PPP1R9A: variants seen among roughly 807,000 people sequenced by gnomAD.
PPP1R9A encodes the protein protein phosphatase 1 regulatory subunit 9A.
Under a neutral mutation model 141.9 loss-of-function variants are expected in PPP1R9A, and 59 were observed. The observed-to-expected ratio is 0.42, with a 90% confidence interval of 0.34 to 0.52. The LOEUF is 0.52. PPP1R9A is among the 20% of genes least tolerant of loss of function. The pLI is 0.10. For missense variants in PPP1R9A, 1,444 were observed against 1,611.9 expected (o/e 0.90, Z 1.78); for synonymous variants, 500 against 569.7 (o/e 0.88, Z 1.74).
At chr7:95,108,264 ATTTTCT>A (rs113612674) in intron 2 of PPP1R9A, among the ~76,000 whole-genome samples, 57,853 of 111,476 alleles carry the variant, frequency 0.52, 12,688 homozygotes, top group Middle Eastern at 0.58. Context: ...GTATTACATT[ATTTTCT>A]TTTTCTTTTT....
intron 7 of PPP1R9A, among the ~76,000 whole-genome samples, chr7:95,213,882 A>G (rs1792690051): frequency 6.6e-6 from 1 of 152,196 alleles, no homozygotes; most frequent in Non-Finnish European, 1.5e-5. Flanking sequence ...CTACTTAGCC[A>G]GATCACCCTG....
chr7:94,935,378 A>C (rs556156964), intron 2 of PPP1R9A, among the ~76,000 whole-genome samples: 28 of 152,298 alleles, frequency 1.8e-4, no homozygotes, highest in Non-Finnish European at 3.2e-4. Flanking sequence ...GTTTTAGTAG[A>C]TATTAGGGAG....
intron 5 of PPP1R9A, among the ~76,000 whole-genome samples, chr7:95,188,911 T>C (rs1176816968): frequency 6.6e-6 from 1 of 152,138 alleles, no homozygotes; most frequent in East Asian, 1.9e-4. Context: ...CCCCATGAGA[T>C]TTATGCTTCA....
intron 12 of PPP1R9A, among the ~76,000 whole-genome samples, chr7:95,254,683 C>T (rs1286527734): frequency 6.6e-6 from 1 of 151,858 alleles, no homozygotes; most frequent in Non-Finnish European, 1.5e-5. Flanking sequence ...TGAAAATGGT[C>T]AGAATGAAAT....
At chr7:95,180,754 CA>C (rs1175614377) in intron 5 of PPP1R9A, among the ~76,000 whole-genome samples, 1 of 151,394 alleles carries the variant, frequency 6.6e-6, no homozygotes, top group Non-Finnish European at 1.5e-5. Flanking sequence ...TACAAATGGC[CA>C]AAAAACATGA....
At chr7:94,935,355 A>G (rs1794656485) in intron 2 of PPP1R9A, among the ~76,000 whole-genome samples, 1 of 152,238 alleles carries the variant, frequency 6.6e-6, no homozygotes, top group Non-Finnish European at 1.5e-5. Flanking sequence ...CATGTGGCCT[A>G]TGCCAAAGAT....
intron 2 of PPP1R9A, among the ~76,000 whole-genome samples, chr7:94,934,767 A>G (rs1563013135): frequency 7.0e-6 from 1 of 143,248 alleles, no homozygotes; most frequent in African/African-American, 2.5e-5. Flanking sequence ...ATATGTGTAT[A>G]TATTTGATGT....
At chr7:95,137,722 T>C (rs1825920725) in intron 4 of PPP1R9A, among the ~76,000 whole-genome samples, 1 of 152,140 alleles carries the variant, frequency 6.6e-6, no homozygotes, top group Non-Finnish European at 1.5e-5. Flanking sequence ...TTGACAAGAT[T>C]GTTCTAAAAT....
At chr7:95,074,155 G>T (rs1814457210) in intron 2 of PPP1R9A, among the ~76,000 whole-genome samples, 1 of 152,110 alleles carries the variant, frequency 6.6e-6, no homozygotes, top group South Asian at 2.1e-4. Flanking sequence ...GAGTTGATGT[G>T]AGCTTTCAGT....
At chr7:95,177,351 A>G (rs1833050697) in intron 5 of PPP1R9A, among the ~76,000 whole-genome samples, 1 of 152,188 alleles carries the variant, frequency 6.6e-6, no homozygotes, top group Non-Finnish European at 1.5e-5. Flanking sequence ...CCACCACTAC[A>G]AGAACTGCTA....
intron 16 of PPP1R9A, among the ~76,000 whole-genome samples, chr7:95,276,005 G>A (rs1376062899): frequency 6.6e-6 from 1 of 152,184 alleles, no homozygotes; most frequent in Non-Finnish European, 1.5e-5. Flanking sequence ...TGGTTCGGGA[G>A]TGAGAATGAT....
At chr7:95,202,483 T>G (rs1185153437) in intron 6 of PPP1R9A, 1 of 361,752 alleles carries the variant, frequency 2.8e-6, no homozygotes, top group Non-Finnish European at 3.8e-6. Flanking sequence ...TATCTGTGAT[T>G]CATGATTTAA....
chr7:95,096,005 G>T (rs949170363), intron 2 of PPP1R9A, among the ~76,000 whole-genome samples: 2 of 126,362 alleles, frequency 1.6e-5, no homozygotes, highest in Non-Finnish European at 1.8e-5. Flanking sequence ...AGAAATGCTT[G>T]CTAAAACAGT....
At chr7:95,173,736 A>C (rs1832498478) in intron 5 of PPP1R9A, among the ~76,000 whole-genome samples, 1 of 152,098 alleles carries the variant, frequency 6.6e-6, no homozygotes, top group East Asian at 1.9e-4. Flanking sequence ...GAGACAGTTC[A>C]TCAAAGTAGA....
At chr7:95,093,024 C>T (rs1387144731) in intron 2 of PPP1R9A, among the ~76,000 whole-genome samples, 1 of 152,146 alleles carries the variant, frequency 6.6e-6, no homozygotes, top group African/African-American at 2.4e-5. Context: ...TATGTATTTA[C>T]CTTCCCGATA....
At chr7:94,914,501 CACAG>C (rs1791829560) in intron 2 of PPP1R9A, among the ~76,000 whole-genome samples, 1 of 152,120 alleles carries the variant, frequency 6.6e-6, no homozygotes, top group Non-Finnish European at 1.5e-5. Context: ...TCCTATCTTT[CACAG>C]ACAGTTATTT....
intron 2 of PPP1R9A, among the ~76,000 whole-genome samples, chr7:95,043,809 G>A (rs578233817): frequency 1.3e-5 from 2 of 152,180 alleles, no homozygotes; most frequent in South Asian, 4.2e-4. Context: ...TTCCTCTAAC[G>A]ATAAACTGTT....
intron 2 of PPP1R9A, among the ~76,000 whole-genome samples, chr7:95,010,913 A>G (rs1804325981): frequency 6.6e-6 from 1 of 152,172 alleles, no homozygotes. Context: ...GTTCATAAAG[A>G]TATACAAGTA....
In PPP1R9A at chr7:95,203,080, C is replaced by T. The variant is rs542459527; in HGVS notation, c.1891-585C>T. 3.9e-5 allele frequency among the ~76,000 whole-genome samples: 6 copies of T among 151,978 alleles called. No homozygotes were observed. The South Asian group carries it at 1.2e-3, about 32-fold the overall frequency. On this transcript the variant is annotated intron_variant, in intron 6 of 19. Coordinates refer to ENST00000433360, the MANE Select transcript of PPP1R9A (RefSeq NM_001166160.2). Reference sequence around the variant, plus strand: ...ACTGAAGCCCCTTCTATACTGAAGCCCCTAAAATATAATTTAATCTTTCTT... The same window carrying T: ...ACTGAAGCCCCTTCTATACTGAAGCTCCTAAAATATAATTTAATCTTTCTT...
Sources: allele counts gnomAD v4.1 joint callset (sites outside exome capture counted in the v4.1 genomes callset), GRCh38; gene constraint gnomAD v4.1.1; transcripts MANE v1.5; gene names NCBI Gene and HGNC (gene_info 2026-07-23, HGNC 2026-07-21).